The following CDC14A variants were observed in gnomAD, a reference collection of about 807,000 sequenced individuals.
CDC14A encodes dual specificity protein phosphatase CDC14A.
A neutral mutation model predicts 74.4 loss-of-function variants in CDC14A; 53 were observed. That is an observed-to-expected ratio of 0.71 (90% CI 0.57 to 0.89). The LOEUF (loss-of-function observed/expected upper bound fraction) is 0.89. CDC14A is among the 40% of genes least tolerant of loss of function. The pLI is 0.00. For missense variants in CDC14A, 646 were observed against 713.7 expected (o/e 0.91, Z 1.08); for synonymous variants, 247 against 258.4 (o/e 0.96, Z 0.43).
chr1:100,473,237 C>A (rs901837369), intron 10 of CDC14A, among the ~76,000 whole-genome samples: 1 of 151,898 alleles, frequency 6.6e-6, no homozygotes, highest in Admixed American at 6.6e-5. Context: ...TCTTTGATTT[C>A]TTTCATCAGC....
At chr1:100,381,527 G>A (rs1656096211) in intron 3 of CDC14A, among the ~76,000 whole-genome samples, 1 of 152,002 alleles carries the variant, frequency 6.6e-6, no homozygotes, top group Admixed American at 6.6e-5. Flanking sequence ...CTCATTCTGT[G>A]CTTTATATAG....
chr1:100,474,918 A>C (rs935352206), intron 10 of CDC14A, among the ~76,000 whole-genome samples: 4 of 151,554 alleles, frequency 2.6e-5, no homozygotes, highest in African/African-American at 9.7e-5. Flanking sequence ...TTTGAGGTTT[A>C]CTCAGCTTCT....
At chr1:100,469,815 T>A (rs1252730259) in intron 10 of CDC14A, among the ~76,000 whole-genome samples, 2 of 152,206 alleles carry the variant, frequency 1.3e-5, no homozygotes, top group Non-Finnish European at 2.9e-5. Context: ...TCATGTTTCA[T>A]GGCTGCATAC....
At chr1:100,435,531 T>G (rs1664215172) in intron 5 of CDC14A, among the ~76,000 whole-genome samples, 1 of 152,000 alleles carries the variant, frequency 6.6e-6, no homozygotes, top group Non-Finnish European at 1.5e-5. Flanking sequence ...ATTGTACACT[T>G]TAAAAAGGAA....
chr1:100,510,921 C>A (rs1370897787), intron 15 of CDC14A, among the ~76,000 whole-genome samples: 1 of 152,168 alleles, frequency 6.6e-6, no homozygotes, highest in African/African-American at 2.4e-5. Flanking sequence ...GCCAGCTGAC[C>A]CTGCTTTGAG....
Position 100,518,421 on chromosome 1 carries a change from C to A in CDC14A, c.*141C>A. ...TAAATTAAAAAGAGCACTAAGATAA[C>A]ACCTTCAAGAGACTTGAAAACAGAA... On this transcript the variant is annotated 3_prime_UTR_variant, in exon 16 of 16. Transcript: ENST00000336454. The A allele has an allele frequency of 1.5e-6, 1 of 655,312 alleles. No individual in the cohort carries two copies. 40.6% of individuals were successfully genotyped at this position (655,312 alleles called of 1,614,324 possible). A position where few individuals can be genotyped will look rare whatever the true frequency, so the allele number is the denominator to read the frequency against.
chr1:100,386,055 T>C (rs1656815952), intron 3 of CDC14A, among the ~76,000 whole-genome samples: 4 of 151,894 alleles, frequency 2.6e-5, no homozygotes, highest in African/African-American at 9.7e-5. Context: ...TAGTCCCAGC[T>C]ACTCAGGAGG....
At chr1:100,428,046 T>C (rs1297345944) in intron 5 of CDC14A, among the ~76,000 whole-genome samples, 1 of 152,194 alleles carries the variant, frequency 6.6e-6, no homozygotes, top group African/African-American at 2.4e-5. Context: ...TGTTAGGTAG[T>C]ATATATAATA....
intron 11 of CDC14A, among the ~76,000 whole-genome samples, chr1:100,485,628 A>G (rs1423288054): frequency 1.3e-5 from 2 of 151,722 alleles, no homozygotes; most frequent in African/African-American, 2.4e-5. Context: ...TTTACATTCT[A>G]TTAGACAGTG....
At chr1:100,487,901 C>A (rs1287277898) in intron 11 of CDC14A, among the ~76,000 whole-genome samples, 1 of 152,088 alleles carries the variant, frequency 6.6e-6, no homozygotes, top group African/African-American at 2.4e-5. Context: ...CGGTGATACT[C>A]TCTAGGAAGG....
At chr1:100,443,966 C>T (rs967953341) in intron 7 of CDC14A, among the ~76,000 whole-genome samples, 1 of 152,170 alleles carries the variant, frequency 6.6e-6, no homozygotes, top group Non-Finnish European at 1.5e-5. Flanking sequence ...TTATCTCTAT[C>T]CTTAGTAAGA....
intron 7 of CDC14A, among the ~76,000 whole-genome samples, chr1:100,443,383 G>A (rs1369320358): frequency 6.6e-6 from 1 of 152,018 alleles, no homozygotes; most frequent in Non-Finnish European, 1.5e-5. Flanking sequence ...TGTCCAGGCT[G>A]AAATGCAGTG....
intron 4 of CDC14A, among the ~76,000 whole-genome samples, chr1:100,413,812 A>G (rs1177164946): frequency 6.6e-6 from 1 of 152,232 alleles, no homozygotes. Context: ...CACAATGCCA[A>G]ATACTGAGGA....
chr1:100,518,564 G>T lies in CDC14A; in HGVS notation c.*284G>T. On this transcript the variant is annotated 3_prime_UTR_variant, in exon 16 of 16. Coordinates refer to ENST00000336454, the MANE Select transcript of CDC14A (RefSeq NM_003672.4). ...TGAAGGGTTATTTTTAATGTATTTT[G>T]GTAATACATTTATTATTATATTTAC... 1.1e-5 allele frequency: 3 copies of T among 276,412 alleles called. No individual in the cohort carries two copies. The highest frequency in any genetic ancestry group is 2.2e-5 in the African/African-American group (1 of 45,150). 17.1% of individuals were successfully genotyped at this position (276,412 alleles called of 1,614,324 possible).
In CDC14A at chr1:100,484,456, G is replaced by A; in HGVS notation, c.1137+5G>A. 2 of 1,594,194 alleles carry A rather than the reference G, an allele frequency of 1.3e-6. No individual in the cohort carries two copies. The highest frequency in any genetic ancestry group is 1.7e-6 in the Non-Finnish European group (2 of 1,172,780). On this transcript the variant is annotated splice_donor_5th_base_variant and intron_variant, in intron 11 of 15. Coordinates refer to ENST00000336454, the MANE Select transcript of CDC14A (RefSeq NM_003672.4). Reference sequence around the variant, plus strand: ...AACATGGAACGATTTGGAGAGGTAAGTTTTCCCTAGGAGATTCTATCTTCT... The same window carrying A: ...AACATGGAACGATTTGGAGAGGTAAATTTTCCCTAGGAGATTCTATCTTCT...
intron 1 of CDC14A, 84 bp from the exon 2 acceptor site, chr1:100,353,678 G>A (rs1651459236): frequency 4.2e-6 from 3 of 710,890 alleles, no homozygotes; most frequent in Non-Finnish European, 7.4e-6. Context: ...TTTAAATTGT[G>A]ATCCTTCGTA....
chr1:100,352,704 TAGG>T lies in CDC14A; in HGVS notation c.-248_-246del. On this transcript the variant is annotated 5_prime_UTR_variant, in exon 1 of 16. Coordinates refer to ENST00000336454, the MANE Select transcript of CDC14A (RefSeq NM_003672.4). ...AGCAGCTGCAGCAGCCGAGTCCAAA[TAGG>T]AGCGGCCACAGCCAGGGGCGTGAGC... The T allele has an allele frequency of 2.9e-6, 4 of 1,359,028 alleles. No homozygotes were observed. The highest frequency in any genetic ancestry group is 3.8e-6 in the Non-Finnish European group (4 of 1,059,718). 84.2% of individuals were successfully genotyped at this position (1,359,028 alleles called of 1,614,324 possible). A position where few individuals can be genotyped will look rare whatever the true frequency, so the allele number is the denominator to read the frequency against.
At chr1:100,453,430 G>A (rs902747460) in intron 7 of CDC14A, among the ~76,000 whole-genome samples, 1 of 152,018 alleles carries the variant, frequency 6.6e-6, no homozygotes, top group Non-Finnish European at 1.5e-5. Context: ...CTTTATTCTT[G>A]GATTTTCAAA....
intron 4 of CDC14A, among the ~76,000 whole-genome samples, chr1:100,397,749 C>G (rs1658715407): frequency 6.6e-6 from 1 of 152,136 alleles, no homozygotes; most frequent in Non-Finnish European, 1.5e-5. Flanking sequence ...TATATACTTT[C>G]CTTACCCACT....
Sources: allele counts gnomAD v4.1 joint callset (sites outside exome capture counted in the v4.1 genomes callset), GRCh38; gene constraint gnomAD v4.1.1; transcripts MANE v1.5; gene names NCBI Gene and HGNC (gene_info 2026-07-23, HGNC 2026-07-21).